The following SDK1 variants were observed in gnomAD, a reference collection of about 807,000 sequenced individuals.
SDK1 encodes protein sidekick-1.
A neutral mutation model predicts 245.5 loss-of-function variants in SDK1; 157 were observed. The ratio of observed to expected loss-of-function variants is 0.64; its 90% CI spans 0.56 to 0.73. The LOEUF is 0.73. SDK1 is among the 30% of genes least tolerant of loss of function. The pLI, the probability that SDK1 is intolerant of heterozygous loss-of-function variation, is 0.00. For synonymous variants in SDK1, 1,647 were observed against 1,278.5 expected, an observed-to-expected ratio of 1.29 and a Z score of -6.15; for missense variants, 3,583 against 3,002.3, an observed-to-expected ratio of 1.19 and a Z score of -4.52.
intron 1 of SDK1, among the ~76,000 whole-genome samples, chr7:3,610,601 A>G (rs762777103): frequency 2.0e-5 from 3 of 152,384 alleles, no homozygotes; most frequent in Non-Finnish European, 4.4e-5. Context: ...AGATAAAACT[A>G]GTACATAAAT....
At chr7:4,234,876 G>C (rs1244208952) in intron 41 of SDK1, among the ~76,000 whole-genome samples, 2 of 152,230 alleles carry the variant, frequency 1.3e-5, no homozygotes, top group African/African-American at 4.8e-5. Flanking sequence ...CGTTGGGGCA[G>C]CAGAGCCTCA....
intron 4 of SDK1, among the ~76,000 whole-genome samples, chr7:3,807,119 A>G (rs1779269880): frequency 6.6e-6 from 1 of 152,058 alleles, no homozygotes; most frequent in African/African-American, 2.4e-5. Context: ...CAAAGTTCTT[A>G]CCTTTTGAGA....
At chr7:3,860,392 T>C (rs921461675) in intron 5 of SDK1, among the ~76,000 whole-genome samples, 1 of 152,154 alleles carries the variant, frequency 6.6e-6, no homozygotes, top group Non-Finnish European at 1.5e-5. Flanking sequence ...TGAATACATA[T>C]TGCCAGTAAA....
intron 35 of SDK1, among the ~76,000 whole-genome samples, chr7:4,185,458 T>C (rs2128221146): frequency 1.3e-5 from 2 of 152,256 alleles, no homozygotes; most frequent in South Asian, 4.2e-4. Context: ...TGCCTGTATT[T>C]CCAGAGCCCC....
At chr7:3,506,376 A>AT (rs951821493) in intron 1 of SDK1, among the ~76,000 whole-genome samples, 1 of 151,854 alleles carries the variant, frequency 6.6e-6, no homozygotes, top group Non-Finnish European at 1.5e-5. Context: ...TGTAAGTTGT[A>AT]TTTTTTCCCT....
At chr7:4,003,990 G>T (rs937685791) in intron 14 of SDK1, among the ~76,000 whole-genome samples, 6 of 152,250 alleles carry the variant, frequency 3.9e-5, no homozygotes. Context: ...TGTGGAGTTT[G>T]CACAAGGAGC....
At chr7:3,872,260 T>C (rs1258082163) in intron 5 of SDK1, among the ~76,000 whole-genome samples, 2 of 152,222 alleles carry the variant, frequency 1.3e-5, no homozygotes, top group Non-Finnish European at 2.9e-5. Context: ...TAGTTACGTT[T>C]GCTTGTGATG....
At chr7:3,656,966 C>T (rs1450592114) in intron 4 of SDK1, among the ~76,000 whole-genome samples, 2 of 151,970 alleles carry the variant, frequency 1.3e-5, no homozygotes, top group African/African-American at 2.4e-5. Flanking sequence ...CCAGGATGGT[C>T]TCAATCTCCT....
chr7:3,756,277 A>T (rs1167260468), intron 4 of SDK1, among the ~76,000 whole-genome samples: 4 of 149,114 alleles, frequency 2.7e-5, no homozygotes, highest in Non-Finnish European at 5.9e-5. Flanking sequence ...CGTGTGACAC[A>T]TGCATATCTT....
intron 1 of SDK1, among the ~76,000 whole-genome samples, chr7:3,532,961 G>A (rs1428872518): frequency 6.6e-6 from 1 of 152,170 alleles, no homozygotes; most frequent in African/African-American, 2.4e-5. Context: ...CAAAAACATG[G>A]TAGTGGAGAG....
chr7:3,770,083 G>T lies in SDK1; in HGVS notation c.714-51367G>T, dbSNP rs573965860. ...GGAGTGAGGGAGATGAGACAGGGCCGAAAGTGGTGAATGTATTTATAAAAG... is the reference window on the plus strand; with the variant it reads ...GGAGTGAGGGAGATGAGACAGGGCCTAAAGTGGTGAATGTATTTATAAAAG... On this transcript the variant is annotated intron_variant, in intron 4 of 44. Transcript: ENST00000404826. Among the ~76,000 whole-genome samples the T allele has an allele frequency of 2.0e-5, 3 of 151,932 alleles. No individual in the cohort carries two copies. In the East Asian group the frequency reaches 5.8e-4, roughly 29 times the overall value.
chr7:4,165,576 G>A (rs560284333), intron 32 of SDK1, among the ~76,000 whole-genome samples: 1 of 151,796 alleles, frequency 6.6e-6, no homozygotes, highest in Middle Eastern at 3.4e-3. Context: ...TGCAACCTCT[G>A]CCTCCCGAGT....
chr7:3,523,043 A>G (rs1583994902), intron 1 of SDK1, among the ~76,000 whole-genome samples: 1 of 45,882 alleles, frequency 2.2e-5, no homozygotes, highest in East Asian at 4.2e-4. Context: ...AACCTGTAAC[A>G]TTTGTATCAT....
intron 5 of SDK1, among the ~76,000 whole-genome samples, chr7:3,847,960 AGTT>A (rs146465352): frequency 0.014 from 2,166 of 152,294 alleles, 49 homozygotes; most frequent in African/African-American, 0.049. Flanking sequence ...CTTGAAAAAC[AGTT>A]ATTAATCATA....
intron 1 of SDK1, among the ~76,000 whole-genome samples, chr7:3,611,433 A>C (rs952662651): frequency 1.3e-5 from 2 of 152,194 alleles, no homozygotes; most frequent in African/African-American, 4.8e-5. Context: ...TTGGGTGGTG[A>C]CAAAAAGGGC....
At position 3,475,878 on chromosome 7, in the gene SDK1, G is replaced by A. The variant is rs901451340; in HGVS notation, c.299-143202G>A. On this transcript the variant is annotated intron_variant, in intron 1 of 44. Transcript: ENST00000404826. ...TCATGTGGTACTTCTTATTCATTGC[G>A]ACATGGGATTCCTGCCCAAACCATT... is the stretch of plus-strand genomic sequence containing the variant. 3.7e-4 allele frequency among the ~76,000 whole-genome samples: 57 copies of A among 152,110 alleles called. 1 individual carries two copies. The highest frequency in any genetic ancestry group is 4.2e-4 in the South Asian group (2 of 4,818).
chr7:3,309,992 A>G (rs1384415959), intron 1 of SDK1, among the ~76,000 whole-genome samples: 1 of 152,168 alleles, frequency 6.6e-6, no homozygotes, highest in Non-Finnish European at 1.5e-5. Context: ...TCACAGTATA[A>G]TTAGGAGAAT....
chr7:3,450,891 A>G (rs1343569693), intron 1 of SDK1, among the ~76,000 whole-genome samples: 1 of 152,178 alleles, frequency 6.6e-6, no homozygotes. Flanking sequence ...GGCAGGAGAC[A>G]TAGGAAGAAA....
intron 1 of SDK1, among the ~76,000 whole-genome samples, chr7:3,373,555 A>T (rs1046428138): frequency 6.6e-5 from 10 of 152,150 alleles, no homozygotes; most frequent in Admixed American, 6.5e-4. Context: ...AATAGTCAAC[A>T]TCATTTATGA....
Sources: allele counts gnomAD v4.1 joint callset (sites outside exome capture counted in the v4.1 genomes callset), GRCh38; gene constraint gnomAD v4.1.1; transcripts MANE v1.5; gene names NCBI Gene and HGNC (gene_info 2026-07-23, HGNC 2026-07-21).